Variants in GRID2 observed in about 807,000 individuals in gnomAD.
The protein encoded by GRID2 is glutamate ionotropic receptor delta type subunit 2.
A neutral mutation model predicts 114.8 loss-of-function variants in GRID2; 33 were observed. That is an observed-to-expected ratio of 0.29 (90% CI 0.22 to 0.38). The LOEUF is 0.38. Among genes scored for constraint, GRID2 ranks in the 10% least tolerant of loss-of-function variants. The pLI is 1.00. For synonymous variants in GRID2, 505 were observed against 449.9 expected, an observed-to-expected ratio of 1.12 and a Z score of -1.55; for missense variants, 1,184 against 1,257.7, an observed-to-expected ratio of 0.94 and a Z score of 0.89.
In GRID2 at chr4:93,681,403, T is replaced by C. The variant is rs531940227; in HGVS notation, c.2360+54968T>C. On this transcript the variant is annotated intron_variant, in intron 14 of 15. Transcript: ENST00000282020. Reference sequence around the variant, plus strand: ...CATCCTCATCAAGCTACCAATGACTTTCTTCACAGAATTGGAAAAAAACTA... The same window carrying C: ...CATCCTCATCAAGCTACCAATGACTCTCTTCACAGAATTGGAAAAAAACTA... 4.0e-5 allele frequency among the ~76,000 whole-genome samples: 6 copies of C among 151,626 alleles called. No homozygotes were observed. The South Asian group carries it at 1.3e-3, about 32-fold the overall frequency.
intron 2 of GRID2, among the ~76,000 whole-genome samples, chr4:92,904,193 C>A (rs558810667): frequency 1.3e-4 from 19 of 151,308 alleles, no homozygotes; most frequent in African/African-American, 4.1e-4. Flanking sequence ...TAATGTATGG[C>A]CTTTTTTCAA....
intron 14 of GRID2, among the ~76,000 whole-genome samples, chr4:93,757,756 G>A (rs1445286737): frequency 6.6e-6 from 1 of 152,182 alleles, no homozygotes; most frequent in African/African-American, 2.4e-5. Flanking sequence ...AGGAGTTCAA[G>A]ACAATCCTGG....
Position 92,955,660 on chromosome 4 carries a change from C to T in GRID2, c.245-129335C>T, listed in dbSNP as rs565578786. ...TCAATTTTGGCTTTTGTTGCCATTG[C>T]TTTTGGTGTTTTAGACATGAAGTCC... On this transcript the variant is annotated intron_variant, in intron 2 of 15. Transcript: ENST00000282020. Among the ~76,000 whole-genome samples the T allele has an allele frequency of 8.0e-3, 1,219 of 152,150 alleles. 18 individuals are homozygous for T. The highest frequency in any genetic ancestry group is 0.028 in the African/African-American group (1,169 of 41,482).
At chr4:93,771,069 A>G (rs1443976751) in intron 15 of GRID2, among the ~76,000 whole-genome samples, 1 of 152,164 alleles carries the variant, frequency 6.6e-6, no homozygotes, top group East Asian at 1.9e-4. Context: ...GATCCTATGA[A>G]AAAATATTTT....
chr4:93,757,703 C>A (rs990390398), intron 14 of GRID2, among the ~76,000 whole-genome samples: 5 of 152,192 alleles, frequency 3.3e-5, no homozygotes, highest in African/African-American at 1.2e-4. Flanking sequence ...CGCCTATAAT[C>A]CCAGCACTTT....
At chr4:93,490,143 A>G (rs1307317311) in intron 11 of GRID2, among the ~76,000 whole-genome samples, 1 of 151,928 alleles carries the variant, frequency 6.6e-6, no homozygotes, top group Non-Finnish European at 1.5e-5. Context: ...AGTAGAACAA[A>G]GCAAGTATGT....
rs187060023 is a variant in GRID2 at position 93,541,611 on chromosome 4, T to C, written c.2193+26200T>C. 1.3e-3 allele frequency among the ~76,000 whole-genome samples: 94 copies of C among 73,968 alleles called. 1 individual carries two copies. The East Asian group carries it at 0.016, about 12-fold the overall frequency. 48.5% of individuals were successfully genotyped at this position (73,968 alleles called of 152,430 possible). On this transcript the variant is annotated intron_variant, in intron 13 of 15. Coordinates refer to ENST00000282020, the MANE Select transcript of GRID2 (RefSeq NM_001510.4). ...AAACATTTTGTAGTCATTTACAGAC[T>C]CTCATGCCATTTATACATGGTCTTG...
chr4:93,029,978 A>G (rs1427334817), intron 2 of GRID2, among the ~76,000 whole-genome samples: 3 of 152,212 alleles, frequency 2.0e-5, no homozygotes, highest in African/African-American at 7.2e-5. Context: ...TGCATGTCCC[A>G]GTCTGCTAGG....
intron 1 of GRID2, among the ~76,000 whole-genome samples, chr4:93,799,502 CAAAAG>C (rs1334443092): frequency 6.7e-6 from 1 of 150,344 alleles, no homozygotes; most frequent in Non-Finnish European, 1.5e-5. Context: ...GGGAGGGAAT[CAAAAG>C]AAAAGAACAG....
At chr4:93,276,883 G>T (rs1261965083) in intron 8 of GRID2, among the ~76,000 whole-genome samples, 1 of 151,814 alleles carries the variant, frequency 6.6e-6, no homozygotes, top group Non-Finnish European at 1.5e-5. Flanking sequence ...CTTTATTAAA[G>T]CTTATAATAA....
intron 2 of GRID2, among the ~76,000 whole-genome samples, chr4:92,940,443 C>G (rs1299626099): frequency 6.6e-6 from 1 of 151,256 alleles, no homozygotes; most frequent in African/African-American, 2.4e-5. Flanking sequence ...GCTGAAGTTG[C>G]TTATCAGCTT....
intron 4 of GRID2, among the ~76,000 whole-genome samples, chr4:93,112,814 A>G (rs1283941449): frequency 6.6e-6 from 1 of 152,092 alleles, no homozygotes; most frequent in East Asian, 1.9e-4. Context: ...CTTGTAGATG[A>G]ATTCTTTTTC....
intron 2 of GRID2, among the ~76,000 whole-genome samples, chr4:93,029,420 TAAA>T (rs764689990): frequency 1.5e-3 from 228 of 152,242 alleles, no homozygotes; most frequent in Non-Finnish European, 2.5e-3. Context: ...GTGAGCTTCT[TAAA>T]TAATAATTGT....
At chr4:92,876,389 C>G (rs1041893848) in intron 2 of GRID2, among the ~76,000 whole-genome samples, 8 of 151,934 alleles carry the variant, frequency 5.3e-5, no homozygotes, top group African/African-American at 1.9e-4. Context: ...AGCTCCGCCC[C>G]AGCCTCCAGA....
chr4:92,569,132 C>T (rs1252653258), intron 1 of GRID2, among the ~76,000 whole-genome samples: 1 of 151,956 alleles, frequency 6.6e-6, no homozygotes, highest in Admixed American at 6.6e-5. Flanking sequence ...CACCCCACAC[C>T]CTCCAACAGG....
intron 1 of GRID2, among the ~76,000 whole-genome samples, chr4:92,564,110 A>G (rs1321228093): frequency 2.6e-5 from 4 of 152,054 alleles, no homozygotes. Flanking sequence ...TTGGAAACTC[A>G]TGGGTCTGTC....
intron 1 of GRID2, among the ~76,000 whole-genome samples, chr4:92,445,419 T>C (rs986696203): frequency 1.4e-4 from 22 of 152,212 alleles, no homozygotes; most frequent in Admixed American, 1.3e-3. Context: ...CTGAAGTTTA[T>C]ATTATTTGTT....
intron 8 of GRID2, among the ~76,000 whole-genome samples, chr4:93,369,847 A>C (rs971606769): frequency 2.0e-5 from 3 of 152,172 alleles, no homozygotes; most frequent in African/African-American, 7.2e-5. Context: ...TTTCTCTTCT[A>C]ATTATTTTAC....
At chr4:92,783,052 T>C (rs1211683391) in intron 2 of GRID2, among the ~76,000 whole-genome samples, 1 of 152,124 alleles carries the variant, frequency 6.6e-6, no homozygotes, top group Non-Finnish European at 1.5e-5. Flanking sequence ...AAATGTCCAA[T>C]TGAGTTAATA....
Sources: allele counts gnomAD v4.1 joint callset (sites outside exome capture counted in the v4.1 genomes callset), GRCh38; gene constraint gnomAD v4.1.1; transcripts MANE v1.5; gene names NCBI Gene and HGNC (gene_info 2026-07-23, HGNC 2026-07-21).